RNF180: variants seen among roughly 807,000 people sequenced by gnomAD.
The protein encoded by RNF180 is E3 ubiquitin-protein ligase RNF180.
A neutral mutation model predicts 59.2 loss-of-function variants in RNF180; 38 were observed. The observed-to-expected ratio is 0.64, with a 90% CI of 0.50 to 0.84. The LOEUF (loss-of-function observed/expected upper bound fraction) is 0.84. RNF180 is among the 40% of genes least tolerant of loss of function. The probability of loss-of-function intolerance (pLI) is 0.00; values close to 1 mark genes in which losing one functional copy is unlikely to be tolerated. For missense variants in RNF180, 705 were observed against 700.9 expected (o/e 1.01, Z -0.07); for synonymous variants, 262 against 240.3 (o/e 1.09, Z -0.84).
rs374391808 is a variant in RNF180 at position 64,202,864 on chromosome 5, G to A, written c.135+1922G>A. ...TGCTAGATAAGGAAACTGAGGCACAGAAGATTAGGTAATTTTCCCAAGTTC... is the reference window on the plus strand; with the variant it reads ...TGCTAGATAAGGAAACTGAGGCACAAAAGATTAGGTAATTTTCCCAAGTTC... On this transcript the variant is annotated intron_variant, in intron 2 of 7. Transcript: ENST00000389100. Among the ~76,000 whole-genome samples, 38 of 152,318 alleles carry A rather than the reference G, an allele frequency of 2.5e-4. 1 individual carries two copies. In the East Asian group the frequency reaches 3.3e-3, roughly 13 times the overall value.
chr5:64,333,256 C>A (rs993539008), intron 7 of RNF180, among the ~76,000 whole-genome samples: 1 of 152,166 alleles, frequency 6.6e-6, no homozygotes, highest in African/African-American at 2.4e-5. Context: ...CAGCTCACTA[C>A]AACCTCTGCC....
intron 6 of RNF180, among the ~76,000 whole-genome samples, chr5:64,326,579 G>GA (rs1264046222): frequency 6.6e-5 from 10 of 152,032 alleles, no homozygotes; most frequent in Admixed American, 6.6e-4. Context: ...AGTTCACTAG[G>GA]AAAAGATGAA....
intron 7 of RNF180, among the ~76,000 whole-genome samples, chr5:64,337,676 T>G (rs1745188517): frequency 2.1e-5 from 2 of 94,490 alleles, no homozygotes; most frequent in Non-Finnish European, 3.9e-5. Flanking sequence ...CCCACAACAG[T>G]CCCCAGAGTG....
intron 5 of RNF180, among the ~76,000 whole-genome samples, chr5:64,241,810 G>A (rs1742825047): frequency 6.6e-6 from 1 of 152,090 alleles, no homozygotes; most frequent in African/African-American, 2.4e-5. Context: ...CAAACCCTAG[G>A]CAGCACAACA....
chr5:64,224,014 G>A lies in RNF180; in HGVS notation c.1227+6618G>A, dbSNP rs138241032. Among the ~76,000 whole-genome samples the A allele has an allele frequency of 3.4e-3, 521 of 152,068 alleles. 2 individuals are homozygous for A. The highest frequency in any genetic ancestry group is 0.011 in the African/African-American group (472 of 41,486). ...CGAATTCTAAAGTAGTCACAAAGGA[G>A]CAAGCATGATTGGCTCTGTTAGATT... On this transcript the variant is annotated intron_variant, in intron 5 of 7. Coordinates refer to ENST00000389100, the MANE Select transcript of RNF180 (RefSeq NM_001113561.2).
intron 5 of RNF180, among the ~76,000 whole-genome samples, chr5:64,324,705 G>A (rs1194636860): frequency 1.3e-5 from 2 of 152,112 alleles, no homozygotes; most frequent in East Asian, 3.9e-4. Context: ...TTGAGGTCCA[G>A]GAAGACACAA....
chr5:64,276,196 A>C (rs934952700), intron 5 of RNF180, among the ~76,000 whole-genome samples: 1 of 152,092 alleles, frequency 6.6e-6, no homozygotes, highest in Non-Finnish European at 1.5e-5. Context: ...CCAAAAATTT[A>C]ATAATTTAAT....
intron 5 of RNF180, among the ~76,000 whole-genome samples, chr5:64,224,714 T>C (rs1741571674): frequency 6.6e-6 from 1 of 152,216 alleles, no homozygotes; most frequent in Non-Finnish European, 1.5e-5. Flanking sequence ...CAAAGATGCA[T>C]GCTGTCTTTC....
chr5:64,195,048 A>G (rs1239319318), intron 1 of RNF180, among the ~76,000 whole-genome samples: 2 of 152,194 alleles, frequency 1.3e-5, no homozygotes, highest in African/African-American at 4.8e-5. Flanking sequence ...TTCTAGCACC[A>G]CAGAAGCTTA....
intron 5 of RNF180, among the ~76,000 whole-genome samples, chr5:64,282,083 A>G (rs528055899): frequency 6.6e-6 from 1 of 151,372 alleles, no homozygotes; most frequent in Admixed American, 6.6e-5. Flanking sequence ...TTGTTGTTGT[A>G]TCTCCTCCTC....
chr5:64,322,831 G>T (rs1744439121), intron 5 of RNF180, among the ~76,000 whole-genome samples: 1 of 152,054 alleles, frequency 6.6e-6, no homozygotes, highest in South Asian at 2.1e-4. Context: ...GGACTTTGGG[G>T]ACCCAGGGGG....
intron 7 of RNF180, among the ~76,000 whole-genome samples, chr5:64,331,088 A>C (rs1301465428): frequency 6.6e-6 from 1 of 152,248 alleles, no homozygotes; most frequent in Admixed American, 6.5e-5. Flanking sequence ...CTCTCAGGGC[A>C]GTCCTGACAT....
intron 5 of RNF180, among the ~76,000 whole-genome samples, chr5:64,296,379 A>G (rs1742880686): frequency 3.3e-5 from 5 of 152,172 alleles, no homozygotes; most frequent in Admixed American, 6.5e-5. Flanking sequence ...AATATGCTCA[A>G]TTTGACATTG....
intron 4 of RNF180, among the ~76,000 whole-genome samples, chr5:64,216,320 AT>A (rs1439704857): frequency 6.6e-6 from 1 of 152,190 alleles, no homozygotes; most frequent in Non-Finnish European, 1.5e-5. Flanking sequence ...GAAAGAGTAA[AT>A]ATCTGAGATA....
intron 1 of RNF180, among the ~76,000 whole-genome samples, chr5:64,193,771 T>C (rs953163732): frequency 2.0e-5 from 3 of 152,220 alleles, no homozygotes; most frequent in Non-Finnish European, 4.4e-5. Context: ...AATCCCTGTA[T>C]GGGCAATGGT....
At chr5:64,294,885 G>C (rs1298327182) in intron 5 of RNF180, among the ~76,000 whole-genome samples, 3 of 151,994 alleles carry the variant, frequency 2.0e-5, no homozygotes, top group Non-Finnish European at 4.4e-5. Flanking sequence ...TCCTCACCAA[G>C]ACATAAAGCG....
At chr5:64,322,637 G>GTATA (rs1554043417) in intron 5 of RNF180, among the ~76,000 whole-genome samples, 1 of 148,920 alleles carries the variant, frequency 6.7e-6, no homozygotes, top group African/African-American at 2.5e-5. Flanking sequence ...GTGTGTGTGT[G>GTATA]TATAACGGAA....
chr5:64,252,842 G>A (rs1044866744), intron 5 of RNF180, among the ~76,000 whole-genome samples: 3 of 152,068 alleles, frequency 2.0e-5, no homozygotes, highest in Non-Finnish European at 2.9e-5. Context: ...TGAGGACGAT[G>A]AAGGGCAGGT....
chr5:64,247,541 C>T (rs2112261794), intron 5 of RNF180, among the ~76,000 whole-genome samples: 1 of 152,248 alleles, frequency 6.6e-6, no homozygotes, highest in East Asian at 1.9e-4. Flanking sequence ...ACCTAGGAAT[C>T]CAACTTACAA....
Sources: allele counts gnomAD v4.1 joint callset (sites outside exome capture counted in the v4.1 genomes callset), GRCh38; gene constraint gnomAD v4.1.1; transcripts MANE v1.5; gene names NCBI Gene and HGNC (gene_info 2026-07-23, HGNC 2026-07-21).